The following GATA4 variants were observed in gnomAD, a reference collection of about 807,000 sequenced individuals.
The protein encoded by GATA4 is transcription factor GATA-4.
GATA4 carries 7 observed loss-of-function variants against 37.9 expected under a neutral mutation model. The ratio of observed to expected loss-of-function variants is 0.18; its 90% CI spans 0.11 to 0.35. GATA4 has a LOEUF of 0.35. Among genes scored for constraint, GATA4 ranks in the 10% least tolerant of loss-of-function variants. The pLI is 1.00. For synonymous variants in GATA4, 372 were observed against 292.6 expected, an observed-to-expected ratio of 1.27 and a Z score of -2.77; for missense variants, 647 against 653.0, an observed-to-expected ratio of 0.99 and a Z score of 0.10.
At chr8:11,755,321 T>A (rs560722566) in intron 5 of GATA4, among the ~76,000 whole-genome samples, 188 bp downstream of exon 5, 4 of 152,270 alleles carry the variant, frequency 2.6e-5, no homozygotes, top group African/African-American at 9.6e-5. Context: ...ATGGAACGTG[T>A]TGGGAGCTTT....
chr8:11,700,355 G>C (rs755635059), upstream of GATA4, among the ~76,000 whole-genome samples: 11 of 152,220 alleles, frequency 7.2e-5, no homozygotes, highest in Non-Finnish European at 1.3e-4. Flanking sequence ...GTCTGTAACC[G>C]GCTGCAGAGC....
chr8:11,733,641 C>G (rs1801310750), intron 2 of GATA4, among the ~76,000 whole-genome samples: 2 of 152,194 alleles, frequency 1.3e-5, no homozygotes, highest in Non-Finnish European at 2.9e-5. Flanking sequence ...CTAATAAATC[C>G]TCTTCGAAGA....
intron 1 of GATA4, chr8:11,692,732 C>A: frequency 2.0e-6 from 2 of 984,294 alleles, no homozygotes; most frequent in Non-Finnish European, 2.4e-6. Context: ...GAGCAGGCGC[C>A]GGGACCCACG....
At chr8:11,744,026 A>C (rs1258138420) in intron 2 of GATA4, among the ~76,000 whole-genome samples, 1 of 152,214 alleles carries the variant, frequency 6.6e-6, no homozygotes, top group Non-Finnish European at 1.5e-5. Flanking sequence ...CAACTTGGAG[A>C]CTGAGTACAA....
At position 11,709,018 on chromosome 8, in the gene GATA4, GCCTT is replaced by G; in HGVS notation, c.616+92_616+95del. 5.3e-6 allele frequency: 7 copies of G among 1,310,510 alleles called. No homozygotes were observed. The highest frequency in any genetic ancestry group is 7.1e-6 in the Non-Finnish European group (7 of 991,074). The allele number at this position is 1,310,510 out of a possible 1,614,324, so 81.2% of individuals were successfully genotyped here. ...GAGGGCCTCTTGTTTTTCCACCAACGCCTTCGTTGGGCTGGGGATGGTGCTTCAC... is the reference window on the plus strand; with the variant it reads ...GAGGGCCTCTTGTTTTTCCACCAACGCGTTGGGCTGGGGATGGTGCTTCAC... On this transcript the variant is annotated intron_variant, in intron 2 of 6. Coordinates refer to ENST00000532059, the MANE Select transcript of GATA4 (RefSeq NM_001308093.3). The surrounding 1 kb of genome is among the most constrained non-coding windows in gnomAD (Gnocchi z 4.3).
At chr8:11,740,853 C>G (rs1007128342) in intron 2 of GATA4, among the ~76,000 whole-genome samples, 1 of 152,000 alleles carries the variant, frequency 6.6e-6, no homozygotes, top group African/African-American at 2.4e-5. Flanking sequence ...CCTGCCTCAG[C>G]CTCCCGAGTA....
At chr8:11,677,216 T>A (rs1235065334) in intron 1 of GATA4, among the ~76,000 whole-genome samples, 2 of 152,002 alleles carry the variant, frequency 1.3e-5, no homozygotes, top group Non-Finnish European at 2.9e-5. Flanking sequence ...TTCCCCAGCG[T>A]GGGGCCGAGG....
intron 2 of GATA4, among the ~76,000 whole-genome samples, chr8:11,718,176 C>T (rs73537878): frequency 0.011 from 1,690 of 152,268 alleles, 28 homozygotes; most frequent in African/African-American, 0.039. Context: ...ACTAAAACCC[C>T]AGGCAGGAAA....
chr8:11,692,006 C>T (rs539985748), upstream of GATA4: 22 of 985,288 alleles, frequency 2.2e-5, no homozygotes, highest in Admixed American at 1.0e-3. Flanking sequence ...TTCAGGGAGA[C>T]TGCTTCGCAG....
chr8:11,757,716 A>G (rs1158921531), intron 6 of GATA4, among the ~76,000 whole-genome samples: 1 of 152,190 alleles, frequency 6.6e-6, no homozygotes, highest in Non-Finnish European at 1.5e-5. Flanking sequence ...GGGGCAGCCC[A>G]TGTTCCCTCT....
intron 2 of GATA4, among the ~76,000 whole-genome samples, chr8:11,729,061 C>G (rs553160919): frequency 6.6e-6 from 1 of 152,054 alleles, no homozygotes; most frequent in South Asian, 2.1e-4. Context: ...GGTGAAACCC[C>G]TTCTCTACTA....
Position 11,736,429 on chromosome 8 carries a change from C to T in GATA4, c.617-12487C>T, listed in dbSNP as rs555020792. ...CTAAGGCGTCCACCTCTACTTGCGT[C>T]TGGAATTGCCCCTGCCTCTGCCTTT... On this transcript the variant is annotated intron_variant, in intron 2 of 6. Transcript: ENST00000532059. Among the ~76,000 whole-genome samples, 5 of 152,350 alleles carry T rather than the reference C, an allele frequency of 3.3e-5. No homozygotes were observed. The East Asian group carries it at 7.7e-4, about 24-fold the overall frequency.
At chr8:11,694,698 A>C (rs908327367) in intron 1 of GATA4, 11 of 188,592 alleles carry the variant, frequency 5.8e-5, no homozygotes, top group Middle Eastern at 2.5e-3. Context: ...ATTCAAATTC[A>C]AATGACGAAA....
At chr8:11,744,859 T>C (rs796300385) in intron 2 of GATA4, among the ~76,000 whole-genome samples, 6 of 152,314 alleles carry the variant, frequency 3.9e-5, no homozygotes, top group African/African-American at 1.4e-4. Flanking sequence ...CTGGTGGGAA[T>C]TCCACACTTT....
intron 2 of GATA4, among the ~76,000 whole-genome samples, chr8:11,730,046 C>G (rs1801130221): frequency 1.3e-5 from 2 of 152,188 alleles, no homozygotes; most frequent in African/African-American, 4.8e-5. Flanking sequence ...ACACCTCAGC[C>G]TCCTGAGTAG....
At chr8:11,692,511 TC>T, upstream of GATA4, 1 of 985,454 alleles carries the variant, frequency 1.0e-6, no homozygotes, top group Non-Finnish European at 1.2e-6. Context: ...CGTGAGTAAT[TC>T]CCGTGAAACT....
At chr8:11,745,148 C>G (rs2130287467) in intron 2 of GATA4, among the ~76,000 whole-genome samples, 1 of 152,262 alleles carries the variant, frequency 6.6e-6, no homozygotes, top group South Asian at 2.1e-4. Flanking sequence ...ATGCATAACC[C>G]AACTTTGAGG....
chr8:11,757,109 G>C (rs1802623372), intron 6 of GATA4, 26 bp downstream of exon 6: 3 of 1,611,968 alleles, frequency 1.9e-6, no homozygotes, highest in East Asian at 4.5e-5. Context: ...GGGGCGCCAG[G>C]GCTGTTTGTG....
At position 11,759,527 on chromosome 8, in the gene GATA4, T is replaced by A. The variant is rs561339130; in HGVS notation, c.*1052T>A. ...ACCTGCAGCCTCGCCCCGGCAGAAG[T>A]CTTTTGTCCAGGAGGCAAAAAGCCA... is the stretch of plus-strand genomic sequence containing the variant. On this transcript the variant is annotated 3_prime_UTR_variant, in exon 7 of 7. Transcript: ENST00000532059. 7 of 152,338 alleles carry A rather than the reference T, an allele frequency of 4.6e-5. No individual in the cohort carries two copies. The East Asian group carries it at 1.3e-3, about 29-fold the overall frequency. 9.4% of individuals were successfully genotyped at this position (152,338 alleles called of 1,614,324 possible).
Sources: gnomAD v4.1 joint callset for allele counts (sites outside exome capture counted in the v4.1 genomes callset) on GRCh38, gnomAD v4.1.1 for gene constraint, Gnocchi (gnomAD v3.1) non-coding constraint, MANE v1.5 for transcripts, NCBI Gene and HGNC (gene_info 2026-07-23, HGNC 2026-07-21) for gene names.